The following UVRAG variants were observed in gnomAD, a reference collection of about 807,000 sequenced individuals.
UVRAG encodes UV radiation resistance-associated gene protein.
Under a neutral mutation model 78.0 loss-of-function variants are expected in UVRAG, and 19 were observed. The ratio of observed to expected loss-of-function variants is 0.24; its 90% CI spans 0.17 to 0.36. UVRAG has a LOEUF of 0.36. Ranked by LOEUF, UVRAG falls within the 10% of genes least tolerant of loss-of-function variation. The probability of loss-of-function intolerance (pLI) is 1.00; values close to 1 mark genes in which losing one functional copy is unlikely to be tolerated. For synonymous variants in UVRAG, 323 were observed against 324.6 expected, an observed-to-expected ratio of 1.00 and a Z score of 0.05; for missense variants, 740 against 853.8, an observed-to-expected ratio of 0.87 and a Z score of 1.66.
intron 1 of UVRAG, among the ~76,000 whole-genome samples, chr11:75,828,799 A>G (rs1236854158): frequency 2.2e-4 from 18 of 80,076 alleles, no homozygotes; most frequent in African/African-American, 8.6e-4. Flanking sequence ...ATATATATAT[A>G]TATATATTTT....
chr11:76,135,746 A>C (rs751376873), intron 14 of UVRAG, among the ~76,000 whole-genome samples: 3 of 152,174 alleles, frequency 2.0e-5, no homozygotes, highest in Non-Finnish European at 4.4e-5. Flanking sequence ...TGTGCAGTGA[A>C]CTGGTAGACT....
intron 1 of UVRAG, among the ~76,000 whole-genome samples, chr11:75,846,829 A>C (rs1187372008): frequency 7.0e-6 from 1 of 142,292 alleles, no homozygotes; most frequent in Admixed American, 7.0e-5. Context: ...TTGTTCTTTC[A>C]TTTTTTTTTT....
intron 6 of UVRAG, among the ~76,000 whole-genome samples, chr11:75,946,113 C>T (rs1447536832): frequency 2.6e-5 from 4 of 152,034 alleles, no homozygotes; most frequent in Non-Finnish European, 4.4e-5. Flanking sequence ...AACATTTAGG[C>T]CTTCAATAAA....
At chr11:75,913,591 C>T (rs1036817135) in intron 6 of UVRAG, among the ~76,000 whole-genome samples, 1 of 152,194 alleles carries the variant, frequency 6.6e-6, no homozygotes, top group African/African-American at 2.4e-5. Flanking sequence ...GTCCTTCATG[C>T]ATCAGGGATG....
At chr11:76,055,565 C>T (rs2134359979) in intron 12 of UVRAG, among the ~76,000 whole-genome samples, 1 of 152,194 alleles carries the variant, frequency 6.6e-6, no homozygotes, top group South Asian at 2.1e-4. Context: ...TTATATCAAC[C>T]TATTTATTTC....
chr11:76,097,697 A>G (rs939444391), intron 13 of UVRAG, among the ~76,000 whole-genome samples: 8 of 152,174 alleles, frequency 5.3e-5, no homozygotes, highest in African/African-American at 1.4e-4. Context: ...GAATGAATAT[A>G]TGCTTCTAGG....
chr11:76,007,174 G>A (rs7102772), intron 9 of UVRAG, among the ~76,000 whole-genome samples: 9,850 of 151,956 alleles, frequency 0.065, 582 homozygotes, highest in African/African-American at 0.16. Flanking sequence ...CACCAAGCCA[G>A]GCTAATTTTT....
chr11:75,877,893 C>A (rs1459774770), intron 3 of UVRAG, among the ~76,000 whole-genome samples: 1 of 145,224 alleles, frequency 6.9e-6, no homozygotes, highest in East Asian at 2.2e-4. Flanking sequence ...CCGGACGGGG[C>A]GGCTGGCCTG....
intron 10 of UVRAG, among the ~76,000 whole-genome samples, chr11:76,008,491 T>G (rs1428340421): frequency 3.3e-5 from 5 of 152,214 alleles, no homozygotes; most frequent in African/African-American, 4.8e-5. Flanking sequence ...GCTAATAGGA[T>G]TTGAGTTTGC....
At chr11:76,044,887 C>T (rs1248816476) in intron 12 of UVRAG, among the ~76,000 whole-genome samples, 2 of 144,746 alleles carry the variant, frequency 1.4e-5, no homozygotes, top group African/African-American at 5.8e-5. Context: ...GAGAACTGAA[C>T]AGCAGGTGAA....
chr11:75,815,284 T>A lies in UVRAG; in HGVS notation c.-124T>A. On this transcript the variant is annotated 5_prime_UTR_variant, in exon 1 of 15. Coordinates refer to ENST00000356136, the MANE Select transcript of UVRAG (RefSeq NM_003369.4). Reference sequence around the variant, plus strand: ...CAGCGGCGGCGGCTACTGTCTGGGCTGAGCAGTAGTGCCTCTCGGGTGGCG... The same window carrying A: ...CAGCGGCGGCGGCTACTGTCTGGGCAGAGCAGTAGTGCCTCTCGGGTGGCG... The A allele has an allele frequency of 2.0e-6, 1 of 504,824 alleles. No individual in the cohort carries two copies. The highest frequency in any genetic ancestry group is 3.2e-6 in the Non-Finnish European group (1 of 313,028). The allele number at this position is 504,824 out of a possible 1,614,324, so 31.3% of individuals were successfully genotyped here.
intron 3 of UVRAG, among the ~76,000 whole-genome samples, chr11:75,877,840 G>A (rs1383857511): frequency 2.8e-5 from 4 of 143,734 alleles, no homozygotes; most frequent in Non-Finnish European, 4.6e-5. Flanking sequence ...CCTCCCGGAC[G>A]GGGCGGCTGG....
At chr11:75,829,324 T>C (rs1447258914) in intron 1 of UVRAG, among the ~76,000 whole-genome samples, 1 of 152,220 alleles carries the variant, frequency 6.6e-6, no homozygotes, top group Non-Finnish European at 1.5e-5. Context: ...ATTAGAAAGC[T>C]GCTTCTCATG....
chr11:75,950,992 A>G (rs1315390283), intron 6 of UVRAG, among the ~76,000 whole-genome samples: 1 of 151,356 alleles, frequency 6.6e-6, no homozygotes, highest in Non-Finnish European at 1.5e-5. Context: ...ACACACACAC[A>G]CACACACACA....
At chr11:75,990,858 CT>C (rs1189433700) in intron 8 of UVRAG, among the ~76,000 whole-genome samples, 1 of 152,168 alleles carries the variant, frequency 6.6e-6, no homozygotes, top group African/African-American at 2.4e-5. Context: ...ATACTCATAT[CT>C]TTTAGGCATG....
At chr11:75,853,060 G>A (rs1211183130) in intron 2 of UVRAG, among the ~76,000 whole-genome samples, 1 of 152,006 alleles carries the variant, frequency 6.6e-6, no homozygotes, top group Non-Finnish European at 1.5e-5. Context: ...ACAGGTGTGA[G>A]ACGCCACTCC....
At chr11:75,841,705 A>AT (rs1430396159) in intron 1 of UVRAG, among the ~76,000 whole-genome samples, 1 of 152,120 alleles carries the variant, frequency 6.6e-6, no homozygotes, top group African/African-American at 2.4e-5. Flanking sequence ...AAATTTGATA[A>AT]TTTTTTGCTA....
At chr11:76,007,724 T>C (rs1949974041) in intron 10 of UVRAG, 103 bp downstream of exon 10, 1 of 847,352 alleles carries the variant, frequency 1.2e-6, no homozygotes, top group Non-Finnish European at 1.9e-6. Flanking sequence ...CTTAATCATA[T>C]GCTCTGTCAT....
intron 14 of UVRAG, among the ~76,000 whole-genome samples, chr11:76,133,681 A>G (rs1457165889): frequency 6.6e-6 from 1 of 152,196 alleles, no homozygotes; most frequent in Non-Finnish European, 1.5e-5. Flanking sequence ...AGCTAAATTC[A>G]TGCAGAACAA....
Sources: allele counts gnomAD v4.1 joint callset (sites outside exome capture counted in the v4.1 genomes callset), GRCh38; gene constraint gnomAD v4.1.1; transcripts MANE v1.5; gene names NCBI Gene and HGNC (gene_info 2026-07-23, HGNC 2026-07-21).